RET: variants seen among roughly 807,000 people sequenced by gnomAD.
RET encodes the protein proto-oncogene tyrosine-protein kinase receptor Ret.
RET carries 19 observed loss-of-function variants against 118.3 expected under a neutral mutation model. The ratio of observed to expected loss-of-function variants is 0.16; its 90% confidence interval spans 0.11 to 0.24. The LOEUF is 0.24. Among genes scored for constraint, RET ranks in the 10% least tolerant of loss-of-function variants. The pLI is 1.00. For synonymous variants in RET, 597 were observed against 644.1 expected, an observed-to-expected ratio of 0.93 and a Z score of 1.11; for missense variants, 1,219 against 1,502.1, an observed-to-expected ratio of 0.81 and a Z score of 3.12.
At chr10:43,100,346 G>C (rs1248244403) in intron 1 of RET, 113 bp from the exon 2 acceptor site, 1 of 1,233,004 alleles carries the variant, frequency 8.1e-7, no homozygotes, top group Non-Finnish European at 1.2e-6. Context: ...CTCAGGAACA[G>C]AGATGAAAAA....
chr10:43,119,907 CT>C (rs1305725974), intron 14 of RET, among the ~76,000 whole-genome samples, 162 bp downstream of exon 14: 1 of 152,056 alleles, frequency 6.6e-6, no homozygotes, highest in Non-Finnish European at 1.5e-5. Context: ...CACCACGCCC[CT>C]GCCATGTCAC....
In RET at chr10:43,112,995, G is replaced by C. The variant is rs745821294; in HGVS notation, c.1759+32G>C. The C allele has an allele frequency of 1.8e-5, 28 of 1,575,856 alleles. 1 individual carries two copies. The Middle Eastern group carries it at 2.0e-3, about 112-fold the overall frequency. ...AGGGTTTAATCAGGGCATGGGAACA[G>C]GTAGGAGATAGTAGGGGAAACCTGG... On this transcript the variant is annotated intron_variant, in intron 9 of 19. Coordinates refer to ENST00000355710, the MANE Select transcript of RET (RefSeq NM_020975.6).
At chr10:43,104,654 T>C (rs774882348) in intron 3 of RET, 10 of 548,982 alleles carry the variant, frequency 1.8e-5, no homozygotes, top group Admixed American at 6.3e-5. Context: ...TCCCAGTCCC[T>C]ACTGGTTGAT....
At chr10:43,125,208 G>T (rs561122273) in intron 18 of RET, among the ~76,000 whole-genome samples, 1 of 152,220 alleles carries the variant, frequency 6.6e-6, no homozygotes, top group Non-Finnish European at 1.5e-5. Context: ...CAAGATTCTT[G>T]ACATTTAGGA....
At chr10:43,117,892 G>A (rs1008874991) in intron 12 of RET, among the ~76,000 whole-genome samples, 3 of 152,190 alleles carry the variant, frequency 2.0e-5, no homozygotes, top group African/African-American at 7.2e-5. Context: ...CAGCACAGGA[G>A]ATGCCTGGGC....
intron 1 of RET, among the ~76,000 whole-genome samples, chr10:43,083,571 G>A (rs118122854): frequency 0.011 from 1,599 of 152,286 alleles, 11 homozygotes; most frequent in Non-Finnish European, 0.016. Context: ...CCTGTGTTCC[G>A]TGGGATCCTG....
chr10:43,121,895 T>A, intron 15 of RET, 51 bp from the exon 16 acceptor site: 1 of 1,434,476 alleles, frequency 7.0e-7, no homozygotes, highest in East Asian at 2.3e-5. Context: ...TTACCCCTCC[T>A]TCCTAGAGAG....
intron 1 of RET, among the ~76,000 whole-genome samples, chr10:43,087,825 T>G (rs760661266): frequency 2.0e-5 from 3 of 152,234 alleles, no homozygotes; most frequent in Non-Finnish European, 4.4e-5. Context: ...GGCAAAAAGC[T>G]GCTTTCATTT....
At chr10:43,107,212 C>T (rs1273354562) in intron 5 of RET, among the ~76,000 whole-genome samples, 3 of 152,194 alleles carry the variant, frequency 2.0e-5, no homozygotes, top group Non-Finnish European at 2.9e-5. Flanking sequence ...TCCTTCACCC[C>T]TTTCTGCCTG....
At chr10:43,089,996 T>TG (rs1408917986) in intron 1 of RET, among the ~76,000 whole-genome samples, 9 of 152,216 alleles carry the variant, frequency 5.9e-5, no homozygotes, top group Admixed American at 5.9e-4. Flanking sequence ...GCCATGCACC[T>TG]GGGAGCCCTG....
intron 18 of RET, among the ~76,000 whole-genome samples, chr10:43,125,239 A>G (rs1417991933): frequency 6.6e-6 from 1 of 152,254 alleles, no homozygotes. Context: ...ACAGACAGGC[A>G]TGGGAGGAAA....
chr10:43,116,269 G>C (rs1470846306), intron 11 of RET, among the ~76,000 whole-genome samples: 3 of 152,226 alleles, frequency 2.0e-5, no homozygotes, highest in African/African-American at 7.2e-5. Context: ...CAGAGGTCCT[G>C]GGCTGGGCCT....
intron 19 of RET, 86 bp from the exon 20 acceptor site, chr10:43,128,026 C>T (rs1838372217): frequency 3.5e-6 from 5 of 1,418,962 alleles, no homozygotes; most frequent in Non-Finnish European, 5.0e-6. Flanking sequence ...GTTTGAACAT[C>T]AAAGGGAGTT....
chr10:43,078,101 T>C (rs1446294363), intron 1 of RET, among the ~76,000 whole-genome samples: 1 of 152,200 alleles, frequency 6.6e-6, no homozygotes, highest in Non-Finnish European at 1.5e-5. Flanking sequence ...CTCAGGTGCC[T>C]TAGGATCCCA....
At chr10:43,127,158 G>T (rs532415524) in intron 19 of RET, 59 of 1,110,332 alleles carry the variant, frequency 5.3e-5, no homozygotes, top group East Asian at 9.4e-5. Flanking sequence ...GCACAGCCAG[G>T]TTCCCCCAGA....
intron 3 of RET, 169 bp from the exon 4 acceptor site, chr10:43,104,783 T>A: frequency 1.9e-6 from 2 of 1,026,530 alleles, no homozygotes; most frequent in East Asian, 5.2e-5. Flanking sequence ...CGCTGCAAAC[T>A]GCAAACTCGT....
chr10:43,103,237 G>T lies in RET; in HGVS notation c.625+608G>T, dbSNP rs970268107. On this transcript the variant is annotated intron_variant, in intron 3 of 19. Coordinates refer to ENST00000355710, the MANE Select transcript of RET (RefSeq NM_020975.6). ...GGAGCTATGGAAGACTTTGGAGGGA[G>T]GGAGTGCTGGCAGGACCTGACTTAG... Among the ~76,000 whole-genome samples, 78 of 152,174 alleles carry T rather than the reference G, an allele frequency of 5.1e-4. 1 individual carries two copies. Among genetic ancestry groups the T allele is most frequent in the African/African-American group, 1.8e-3 (76 of 41,432 alleles).
chr10:43,112,391 G>A (rs551863654), intron 8 of RET, among the ~76,000 whole-genome samples, 167 bp downstream of exon 8: 1 of 152,364 alleles, frequency 6.6e-6, no homozygotes, highest in South Asian at 2.1e-4. Context: ...AGCAGTGCAG[G>A]GCTTGGGAGA....
chr10:43,111,085 C>A, intron 6 of RET, 122 bp from the exon 7 acceptor site: 1 of 1,406,210 alleles, frequency 7.1e-7, no homozygotes, highest in Non-Finnish European at 9.9e-7. Context: ...CTCGGGGGGG[C>A]TGCTGTCTCC....
Sources: gnomAD v4.1 joint callset for allele counts (sites outside exome capture counted in the v4.1 genomes callset) on GRCh38, gnomAD v4.1.1 for gene constraint, MANE v1.5 for transcripts, NCBI Gene and HGNC (gene_info 2026-07-23, HGNC 2026-07-21) for gene names.